DEUP1: variants seen among roughly 807,000 people sequenced by gnomAD.
DEUP1 encodes the protein coiled-coil domain containing 67.
A neutral mutation model predicts 87.4 loss-of-function variants in DEUP1; 82 were observed. The ratio of observed to expected loss-of-function variants is 0.94; its 90% CI spans 0.78 to 1.13. The LOEUF (loss-of-function observed/expected upper bound fraction) is 1.13. Among genes scored for constraint, DEUP1 ranks in the 50% most tolerant of loss-of-function variants. The probability of loss-of-function intolerance (pLI) is 0.00; values close to 1 mark genes in which losing one functional copy is unlikely to be tolerated. For synonymous variants in DEUP1, 214 were observed against 222.7 expected (o/e 0.96, Z 0.35); for missense variants, 663 against 681.5 (o/e 0.97, Z 0.30).
chr11:93,406,199 C>T (rs1025252373), intron 11 of DEUP1, among the ~76,000 whole-genome samples: 10 of 151,866 alleles, frequency 6.6e-5, no homozygotes, highest in African/African-American at 1.9e-4. Flanking sequence ...ATATTCTATT[C>T]TGAGGACACA....
chr11:93,357,003 C>T lies in DEUP1; in HGVS notation c.257C>T (p.Thr86Ile). The change falls in exon 4 of 14, where the codon ACT becomes ATT. Residue 86 changes from threonine to isoleucine, a missense_variant. Thr to Ile is a moderately conservative substitution (Grantham distance 89, BLOSUM62 -1). Coordinates refer to ENST00000298050, the MANE Select transcript of DEUP1 (RefSeq NM_181645.4). The part of the protein sequence containing the change: ...DSLEKCNLAM[T>I]QNYEGQLQSL... ...CTGGAAAAATGTAATTTAGCAATGACTCAGAATTATGAAGGACAACTACAA... is the reference window on the plus strand; with the variant it reads ...CTGGAAAAATGTAATTTAGCAATGATTCAGAATTATGAAGGACAACTACAA... 5 of 1,601,818 alleles carry T rather than the reference C, an allele frequency of 3.1e-6. No individual in the cohort carries two copies. In the East Asian group the frequency reaches 1.1e-4, roughly 36 times the overall value.
intron 13 of DEUP1, among the ~76,000 whole-genome samples, chr11:93,416,906 C>T (rs1193838691): frequency 2.0e-5 from 3 of 152,070 alleles, no homozygotes; most frequent in South Asian, 2.1e-4. Flanking sequence ...ATCCAGCATA[C>T]AAATGGGACC....
chr11:93,351,032 A>G (rs1355801377), intron 2 of DEUP1, among the ~76,000 whole-genome samples: 6 of 147,252 alleles, frequency 4.1e-5, no homozygotes, highest in Admixed American at 4.1e-4. Context: ...TAATAAACAT[A>G]TATTATATTT....
intron 13 of DEUP1, 142 bp downstream of exon 13, chr11:93,415,256 GC>G: frequency 2.1e-6 from 1 of 486,080 alleles, no homozygotes; most frequent in Non-Finnish European, 3.7e-6. Context: ...GGGTCTGCGA[GC>G]CATTTGGCCA....
intron 4 of DEUP1, among the ~76,000 whole-genome samples, chr11:93,358,748 A>G (rs925249365): frequency 4.6e-5 from 7 of 151,964 alleles, no homozygotes; most frequent in Non-Finnish European, 8.8e-5. Context: ...ACACCCAGCT[A>G]ATTTGTATAT....
chr11:93,405,781 A>C (rs918193015), intron 11 of DEUP1, among the ~76,000 whole-genome samples: 2 of 151,972 alleles, frequency 1.3e-5, no homozygotes, highest in Non-Finnish European at 2.9e-5. Flanking sequence ...ATTTTATGGG[A>C]TGCCTTTATG....
At chr11:93,331,374 T>TC (rs1943472543) in intron 1 of DEUP1, among the ~76,000 whole-genome samples, 1 of 152,046 alleles carries the variant, frequency 6.6e-6, no homozygotes, top group Non-Finnish European at 1.5e-5. Context: ...AACTTTTTTT[T>TC]TTTTTTTACT....
Position 93,372,959 on chromosome 11 carries a change from G to T in DEUP1, c.789+1679G>T, listed in dbSNP as rs541616812. Among the ~76,000 whole-genome samples, 3 of 152,292 alleles carry T rather than the reference G, an allele frequency of 2.0e-5. No individual in the cohort carries two copies. The East Asian group carries it at 5.8e-4, about 29-fold the overall frequency. On this transcript the variant is annotated intron_variant, in intron 7 of 13. Coordinates refer to ENST00000298050, the MANE Select transcript of DEUP1 (RefSeq NM_181645.4). ...GTCTGAGCTGTGTTTGCATGACTGCGGGTCATGCAGTGATGGGGTCTTTCC... is the reference window on the plus strand; with the variant it reads ...GTCTGAGCTGTGTTTGCATGACTGCTGGTCATGCAGTGATGGGGTCTTTCC...
intron 13 of DEUP1, among the ~76,000 whole-genome samples, chr11:93,435,675 T>C (rs73557568): frequency 2.6e-5 from 4 of 152,288 alleles, no homozygotes; most frequent in Non-Finnish European, 4.4e-5. Flanking sequence ...CACAGCTCTT[T>C]CTTTCCAGAG....
intron 5 of DEUP1, among the ~76,000 whole-genome samples, chr11:93,365,344 T>G (rs559890330): frequency 3.3e-5 from 5 of 152,234 alleles, no homozygotes; most frequent in African/African-American, 1.2e-4. Flanking sequence ...AAAACAAACT[T>G]ACCATCACTA....
chr11:93,339,539 C>G (rs745822784), intron 2 of DEUP1, among the ~76,000 whole-genome samples: 8 of 152,094 alleles, frequency 5.3e-5, no homozygotes, highest in Non-Finnish European at 1.2e-4. Flanking sequence ...GTCAAATTAC[C>G]CATAGAGGCT....
At chr11:93,386,333 T>C (rs1946554818) in intron 8 of DEUP1, among the ~76,000 whole-genome samples, 1 of 152,174 alleles carries the variant, frequency 6.6e-6, no homozygotes, top group African/African-American at 2.4e-5. Flanking sequence ...AGATATTGTA[T>C]ATTCCATAAA....
chr11:93,364,372 C>A, intron 5 of DEUP1, 78 bp downstream of exon 5: 1 of 1,275,716 alleles, frequency 7.8e-7, no homozygotes, highest in Non-Finnish European at 1.1e-6. Flanking sequence ...TCTCTAGTGT[C>A]CACAATGGTG....
At chr11:93,381,725 G>A (rs1946312642) in intron 7 of DEUP1, among the ~76,000 whole-genome samples, 1 of 152,030 alleles carries the variant, frequency 6.6e-6, no homozygotes, top group Non-Finnish European at 1.5e-5. Flanking sequence ...GAGCAACATT[G>A]TCCAGTAGTA....
At chr11:93,402,776 C>T (rs543654504) in intron 11 of DEUP1, among the ~76,000 whole-genome samples, 23 of 151,990 alleles carry the variant, frequency 1.5e-4, no homozygotes, top group African/African-American at 5.3e-4. Flanking sequence ...CACAGAAAGA[C>T]AAATATTGCA....
At chr11:93,379,742 A>T (rs1486867499) in intron 7 of DEUP1, among the ~76,000 whole-genome samples, 1 of 142,406 alleles carries the variant, frequency 7.0e-6, no homozygotes, top group Non-Finnish European at 1.6e-5. Flanking sequence ...ACAGACTTCT[A>T]GGGGCTTACA....
At chr11:93,350,617 T>C (rs1271248052) in intron 2 of DEUP1, among the ~76,000 whole-genome samples, 1 of 152,134 alleles carries the variant, frequency 6.6e-6, no homozygotes, top group Non-Finnish European at 1.5e-5. Context: ...ACCTGCTGAA[T>C]CTGATCAGTA....
At chr11:93,433,900 C>G (rs1948168387) in intron 13 of DEUP1, among the ~76,000 whole-genome samples, 1 of 152,156 alleles carries the variant, frequency 6.6e-6, no homozygotes, top group Non-Finnish European at 1.5e-5. Context: ...ATTTTACGCC[C>G]CTGTGTCCAT....
chr11:93,370,664 T>C (rs3020073), intron 6 of DEUP1, among the ~76,000 whole-genome samples: 121,898 of 152,122 alleles, frequency 0.8, 48,943 homozygotes, highest in East Asian at 0.89. Context: ...GTTACATGCA[T>C]TGACAACTTT....
Sources: allele counts gnomAD v4.1 joint callset (sites outside exome capture counted in the v4.1 genomes callset), GRCh38; gene constraint gnomAD v4.1.1; transcripts MANE v1.5; gene names NCBI Gene and HGNC (gene_info 2026-07-23, HGNC 2026-07-21).